The following CRYBG2 variants were observed in gnomAD, a reference collection of about 807,000 sequenced individuals.
CRYBG2 encodes crystallin beta-gamma domain containing 2, also known as beta/gamma crystallin domain-containing protein 2.
In CRYBG2, 106 loss-of-function variants were observed where a neutral mutation model predicts 153.4. The observed-to-expected ratio is 0.69, with a 90% CI of 0.59 to 0.81. The LOEUF (loss-of-function observed/expected upper bound fraction) is 0.81. CRYBG2 is among the 30% of genes least tolerant of loss of function. The pLI is 0.00. For missense variants in CRYBG2, 1,996 were observed against 2,112.0 expected (o/e 0.95, Z 1.08); for synonymous variants, 851 against 877.8 (o/e 0.97, Z 0.54).
intron 15 of CRYBG2, among the ~76,000 whole-genome samples, chr1:26,330,172 GGCCATGTTATGCTAAGT>G (rs2073982520): frequency 6.6e-6 from 1 of 152,160 alleles, no homozygotes; most frequent in African/African-American, 2.4e-5. Flanking sequence ...GTTTACTACA[GGCCATGTTATGCTAAGT>G]GCTTTACCTG....
At chr1:26,338,253 T>C (rs1468719348) in intron 7 of CRYBG2, 98 bp downstream of exon 7, 1 of 1,512,954 alleles carries the variant, frequency 6.6e-7, no homozygotes, top group Middle Eastern at 2.1e-4. Context: ...TGTTTTACAC[T>C]TCATCCCCCA....
chr1:26,344,221 G>T lies in CRYBG2; in HGVS notation c.2437C>A (p.Leu813Met). ...GGCACCTCCTGGGGTCCGGGGCCCA[G>T]CACCCATGGCCCCAGCTGGTCCTCC... is the stretch of plus-strand genomic sequence containing the variant. ...IEEDQLGPWV[L>M]GPGPQEVPSL... The change falls in exon 2 of 20, where the codon CTG becomes ATG. Residue 813 changes from leucine to methionine, a missense_variant. Physicochemically the swap from Leu to Met is conservative, Grantham distance 15 (BLOSUM62 2). Transcript: ENST00000308182. 2.0e-6 allele frequency: 3 copies of T among 1,535,624 alleles called. No individual in the cohort carries two copies. Among genetic ancestry groups the T allele is most frequent in the Non-Finnish European group, 2.6e-6 (3 of 1,146,486 alleles).
rs56092779 is a variant in CRYBG2 at position 26,325,610 on chromosome 1, TACACAC to T, written c.4579-1306_4579-1301del. Among the ~76,000 whole-genome samples the T allele has an allele frequency of 9.4e-5, 14 of 148,908 alleles. No homozygotes were observed. The highest frequency in any genetic ancestry group is 2.0e-4 in the East Asian group (1 of 4,980). On this transcript the variant is annotated intron_variant, in intron 17 of 19. Coordinates refer to ENST00000308182, the MANE Select transcript of CRYBG2 (RefSeq NM_001039775.4). The surrounding 1 kb of genome is among the most constrained non-coding windows in gnomAD (Gnocchi z 4.1). ...AAAAAAATGAATGCACTCCCACAGA[TACACAC>T]ACACACACACACACACACACACAGG... is the stretch of plus-strand genomic sequence containing the variant.
At position 26,345,489 on chromosome 1, in the gene CRYBG2, G is replaced by A. The variant is rs1437475772; in HGVS notation, c.1169C>T (p.Pro390Leu). 2.5e-6 allele frequency: 4 copies of A among 1,590,322 alleles called. No individual in the cohort carries two copies. The African/African-American group carries it at 5.4e-5, about 21-fold the overall frequency. Residue 390 changes from proline to leucine, a missense_variant, in exon 2 of 20, where the codon CCT (proline) becomes CTT (leucine). Physicochemically the swap from Pro to Leu is moderately conservative, Grantham distance 98. Coordinates refer to ENST00000308182, the MANE Select transcript of CRYBG2 (RefSeq NM_001039775.4). ...GTCCACGGGCCCGTCCTTTTTTTTA[G>A]GGGGCAGAACAAGGGGAGTGAGCCG... ...GARLTPLVLP[P>L]KKKDGPVDPP...
intron 14 of CRYBG2, among the ~76,000 whole-genome samples, chr1:26,332,263 C>T (rs998573014): frequency 6.7e-4 from 97 of 144,706 alleles, no homozygotes; most frequent in East Asian, 2.1e-4. Flanking sequence ...GCTGAGATCA[C>T]GCCACTACAC....
chr1:26,345,480 T>A lies in CRYBG2; in HGVS notation c.1178A>T (p.Lys393Met). The change falls in exon 2 of 20, where the codon AAG (lysine) becomes ATG (methionine). Residue 393 changes from lysine (K) to methionine (M), a missense_variant. Coordinates refer to ENST00000308182, the MANE Select transcript of CRYBG2 (RefSeq NM_001039775.4). ...AGCAGGGGGGTCCACGGGCCCGTCC[T>A]TTTTTTTAGGGGGCAGAACAAGGGG... ...LTPLVLPPKK[K>M]DGPVDPPAAT... 2 of 1,582,712 alleles carry A rather than the reference T, an allele frequency of 1.3e-6. No individual in the cohort carries two copies. Among genetic ancestry groups the A allele is most frequent in the Non-Finnish European group, 1.7e-6 (2 of 1,163,752 alleles).
rs1419463972 is a variant in CRYBG2 at position 26,338,395 on chromosome 1, C to A, written c.3427G>T (p.Gly1143Cys). The A allele has an allele frequency of 6.2e-7, 1 of 1,613,360 alleles. No individual in the cohort carries two copies. Among genetic ancestry groups the A allele is most frequent in the Non-Finnish European group, 8.5e-7 (1 of 1,179,684 alleles). Residue 1143 changes from glycine (G) to cysteine (C), a missense_variant, in exon 7 of 20, where the codon GGC becomes TGC. Physicochemically the swap from Gly to Cys is radical, Grantham distance 159 (BLOSUM62 -3). Transcript: ENST00000308182. ...GAGCCCACGCTGGGGTCCGATGTGC[C>A]CCAGGCCTCTGAGGTGGGGTACTCT... Reference protein sequence around the residue: ...PGEYPTSEAWGTSDPSVGSLK... With the variant: ...PGEYPTSEAWCTSDPSVGSLK...
chr1:26,328,808 G>A lies in CRYBG2; in HGVS notation c.4380C>T (p.Leu1460=), dbSNP rs777436450. The A allele has an allele frequency of 6.2e-7, 1 of 1,614,092 alleles. No homozygotes were observed. The highest frequency in any genetic ancestry group is 1.7e-5 in the Admixed American group (1 of 59,996). Residue 1460 remains leucine (L), a synonymous_variant, in exon 16 of 20, where the codon CTC becomes CTT. Coordinates refer to ENST00000308182, the MANE Select transcript of CRYBG2 (RefSeq NM_001039775.4). ...CTTGCAGGCTCCGCACCTCCCTGCT[G>A]AGCTCGATCTCCTTCCCCTCGAAGC... ...LECFEGKEIE[L]SREVRSLQAE...
intron 1 of CRYBG2, among the ~76,000 whole-genome samples, chr1:26,350,878 C>T (rs2074279123): frequency 6.6e-6 from 1 of 152,204 alleles, no homozygotes; most frequent in Admixed American, 6.5e-5. Flanking sequence ...ACTGCCCCCA[C>T]TCCCCTCCCC....
intron 14 of CRYBG2, 73 bp from the exon 15 acceptor site, chr1:26,331,691 A>C: frequency 6.3e-7 from 1 of 1,576,460 alleles, no homozygotes; most frequent in Non-Finnish European, 8.6e-7. Context: ...CCTGAGATAC[A>C]GAAGAGGGAA....
At chr1:26,327,948 C>CAAAAAAAA (rs71581056) in intron 17 of CRYBG2, among the ~76,000 whole-genome samples, 1 of 105,026 alleles carries the variant, frequency 9.5e-6, no homozygotes. Flanking sequence ...CTCTGTCACA[C>CAAAAAAAA]AAAAAAAAAA....
intron 14 of CRYBG2, among the ~76,000 whole-genome samples, chr1:26,335,164 A>G (rs1052518285): frequency 1.3e-5 from 2 of 151,692 alleles, no homozygotes; most frequent in African/African-American, 4.8e-5. Context: ...GCATCTTATT[A>G]TATCAAGAAA....
chr1:26,351,715 C>T (rs972118786), intron 1 of CRYBG2, among the ~76,000 whole-genome samples: 10 of 152,188 alleles, frequency 6.6e-5, no homozygotes, highest in Admixed American at 5.9e-4. Context: ...AGTCATTCCA[C>T]AAGCATGTGG....
At chr1:26,329,175 T>TTC (rs1213506188) in intron 15 of CRYBG2, among the ~76,000 whole-genome samples, 103 of 142,640 alleles carry the variant, frequency 7.2e-4, no homozygotes, top group African/African-American at 2.5e-3. Context: ...ATTCTAGGCT[T>TTC]TTTTTTTTTT....
intron 15 of CRYBG2, among the ~76,000 whole-genome samples, chr1:26,329,465 C>T (rs2073973518): frequency 2.0e-5 from 3 of 149,492 alleles, no homozygotes; most frequent in Non-Finnish European, 3.0e-5. Flanking sequence ...GGTGAGCCAC[C>T]ATGCGCAGCT....
At position 26,345,653 on chromosome 1, in the gene CRYBG2, G is replaced by A; in HGVS notation, c.1005C>T (p.Pro335=). The change falls in exon 2 of 20, where the codon CCC becomes CCT. Residue 335 remains proline, a synonymous_variant. Coordinates refer to ENST00000308182, the MANE Select transcript of CRYBG2 (RefSeq NM_001039775.4). ...TCTGGAGAGGGAGCTCAGTGGAACT[G>A]GGGGCTCCCAGCACCTGCCAGAGCT... ...ACELWQVLGA[P]SSTELPLQTS... is the part of the protein sequence containing the mutation. 6.3e-7 allele frequency: 1 copy of A among 1,598,846 alleles called. No individual in the cohort carries two copies. The highest frequency in any genetic ancestry group is 8.5e-7 in the Non-Finnish European group (1 of 1,179,778).
chr1:26,344,750 G>GT lies in CRYBG2; in HGVS notation c.1907_1908insA (p.Gly639ArgfsTer4). ...TTTGGATGCTACTGCTGCCTTTTGG[G>GT]CCCTGGACAACCTCAGTTGACTTGG... On this transcript the variant is annotated frameshift_variant, in exon 2 of 20. Coordinates refer to ENST00000308182, the MANE Select transcript of CRYBG2 (RefSeq NM_001039775.4). LOFTEE classifies it high-confidence loss of function. 3.9e-6 allele frequency: 6 copies of GT among 1,536,030 alleles called. No homozygotes were observed. The South Asian group carries it at 7.1e-5, about 18-fold the overall frequency.
At chr1:26,338,124 G>A in intron 7 of CRYBG2, 77 bp from the exon 8 acceptor site, 1 of 1,560,226 alleles carries the variant, frequency 6.4e-7, no homozygotes, top group Non-Finnish European at 8.7e-7. Context: ...GGATTTTCCT[G>A]ATCCTGAGAA....
chr1:26,338,696 T>C (rs1004458744), intron 6 of CRYBG2, among the ~76,000 whole-genome samples: 3 of 152,182 alleles, frequency 2.0e-5, no homozygotes, highest in Admixed American at 2.0e-4. Context: ...CTAGCATGCA[T>C]GGAAAACTGC....
Sources: gnomAD v4.1 joint callset for allele counts (sites outside exome capture counted in the v4.1 genomes callset) on GRCh38, gnomAD v4.1.1 for gene constraint, Gnocchi (gnomAD v3.1) non-coding constraint, MANE v1.5 for transcripts, NCBI Gene and HGNC (gene_info 2026-07-23, HGNC 2026-07-21) for gene names.